The following RPSA2 variants were observed in gnomAD, a reference collection of about 807,000 sequenced individuals.
RPSA2 encodes the protein ribosomal protein SA 2.
At chr19:23,790,286 T>C in the RPSA2 span, among the ~76,000 whole-genome samples, 1 of 152,204 alleles carries the variant, frequency 6.6e-6, no homozygotes. Context: ...CGTGAGCCGC[T>C]GGACCCGGCC....
the RPSA2 span, among the ~76,000 whole-genome samples, chr19:23,853,104 G>A: frequency 1.3e-5 from 2 of 152,230 alleles, no homozygotes. Flanking sequence ...GGGCTATTCA[G>A]CATTCCCTGA....
the RPSA2 span, among the ~76,000 whole-genome samples, chr19:23,766,523 C>T: frequency 2.0e-5 from 3 of 150,250 alleles, no homozygotes; most frequent in African/African-American, 7.4e-5. Flanking sequence ...GCGATCTCCC[C>T]GGCTCACTGC....
the RPSA2 span, among the ~76,000 whole-genome samples, chr19:23,870,744 C>T: frequency 6.6e-6 from 1 of 152,296 alleles, no homozygotes; most frequent in Admixed American, 6.5e-5. Context: ...GAAAATAAAG[C>T]TGCCCAACCT....
the RPSA2 span, among the ~76,000 whole-genome samples, chr19:23,763,357 C>T: frequency 1.3e-5 from 2 of 152,364 alleles, no homozygotes; most frequent in Non-Finnish European, 2.9e-5. Flanking sequence ...TGAGCAAGCT[C>T]TTCACGCAGC....
chr19:23,758,538 G>T, the RPSA2 span, among the ~76,000 whole-genome samples: 1 of 152,190 alleles, frequency 6.6e-6, no homozygotes, highest in Non-Finnish European at 1.5e-5. Context: ...AGAGAGAGCT[G>T]CAGGCCAGGA....
At chr19:23,769,392 G>C in the RPSA2 span, among the ~76,000 whole-genome samples, 1 of 152,118 alleles carries the variant, frequency 6.6e-6, no homozygotes, top group Non-Finnish European at 1.5e-5. Flanking sequence ...CACCCAGGCT[G>C]GAGTGCAGTG....
At chr19:23,834,283 AT>A in the RPSA2 span, among the ~76,000 whole-genome samples, 2 of 150,642 alleles carry the variant, frequency 1.3e-5, no homozygotes, top group South Asian at 4.2e-4. Context: ...TTCGAAGTGA[AT>A]AATAATGAAG....
chr19:23,852,096 A>G, the RPSA2 span, among the ~76,000 whole-genome samples: 2 of 152,130 alleles, frequency 1.3e-5, no homozygotes, highest in Non-Finnish European at 2.9e-5. Flanking sequence ...CGAAAACTAG[A>G]AGCTGAAAAG....
the RPSA2 span, among the ~76,000 whole-genome samples, chr19:23,787,016 T>C: frequency 6.6e-6 from 1 of 151,946 alleles, no homozygotes; most frequent in Non-Finnish European, 1.5e-5. Context: ...GGAAAGATGG[T>C]TGACATATTA....
the RPSA2 span, among the ~76,000 whole-genome samples, chr19:23,870,452 T>A: frequency 6.6e-6 from 1 of 152,138 alleles, no homozygotes; most frequent in Non-Finnish European, 1.5e-5. Context: ...CCAAAGAGTA[T>A]CCATGGGACC....
the RPSA2 span, among the ~76,000 whole-genome samples, chr19:23,776,054 T>C: frequency 2.6e-5 from 4 of 152,292 alleles, no homozygotes. Flanking sequence ...TCTGCCTTGG[T>C]GCTACTTGAA....
the RPSA2 span, among the ~76,000 whole-genome samples, chr19:23,858,412 G>A: frequency 0.99 from 150,875 of 152,304 alleles, 74,747 homozygotes; most frequent in Middle Eastern, 1. Context: ...TAGATAAATT[G>A]AAAAGAACAA....
the RPSA2 span, chr19:23,832,876 G>T: frequency 6.4e-7 from 1 of 1,573,568 alleles, no homozygotes; most frequent in Non-Finnish European, 8.7e-7. Flanking sequence ...TCATACTGGA[G>T]AGAAACCCTA....
chr19:23,856,826 G>T, the RPSA2 span, among the ~76,000 whole-genome samples: 2 of 152,200 alleles, frequency 1.3e-5, no homozygotes, highest in Non-Finnish European at 2.9e-5. Context: ...AGGGGAGGGG[G>T]TGTAAGAACA....
chr19:23,842,465 C>G, the RPSA2 span: 4 of 151,910 alleles, frequency 2.6e-5, no homozygotes, highest in African/African-American at 9.7e-5. Flanking sequence ...AGAGCCAACT[C>G]TCTTAACTCT....
chr19:23,795,303 T>C, the RPSA2 span, among the ~76,000 whole-genome samples: 1 of 152,158 alleles, frequency 6.6e-6, no homozygotes, highest in Non-Finnish European at 1.5e-5. Flanking sequence ...TTTCTACTTA[T>C]GAGTGTAAAG....
the RPSA2 span, among the ~76,000 whole-genome samples, chr19:23,848,319 C>T: frequency 1.1e-4 from 16 of 152,192 alleles, no homozygotes; most frequent in Non-Finnish European, 1.3e-4. Context: ...CGTGCCATGG[C>T]GATGAAGGCT....
the RPSA2 span, among the ~76,000 whole-genome samples, chr19:23,796,109 A>G: frequency 6.6e-6 from 1 of 152,236 alleles, no homozygotes; most frequent in African/African-American, 2.4e-5. Context: ...AGAGTTTGTC[A>G]TAAATAACTT....
the RPSA2 span, among the ~76,000 whole-genome samples, chr19:23,761,669 C>T: frequency 2.0e-5 from 3 of 151,826 alleles, no homozygotes; most frequent in Non-Finnish European, 1.5e-5. Context: ...TATTTCCTCA[C>T]CCCTACCTCC....
Sources: gnomAD v4.1 joint callset for allele counts (sites outside exome capture counted in the v4.1 genomes callset) on GRCh38, gnomAD v4.1.1 for gene constraint, MANE v1.5 for transcripts, NCBI Gene and HGNC (gene_info 2026-07-23, HGNC 2026-07-21) for gene names.